The following STX17 variants were observed in gnomAD, a reference collection of about 807,000 sequenced individuals.
STX17 encodes syntaxin-17.
In STX17, 29 loss-of-function variants were observed where a neutral mutation model predicts 35.9. The ratio of observed to expected loss-of-function variants is 0.81; its 90% CI spans 0.60 to 1.10. STX17 has a LOEUF of 1.10. Ranked by LOEUF, STX17 falls within the 50% of genes least tolerant of loss-of-function variation. The probability of loss-of-function intolerance (pLI) is 0.00; values close to 1 mark genes in which losing one functional copy is unlikely to be tolerated. For missense variants in STX17, 312 were observed against 352.3 expected (o/e 0.89, Z 0.92); for synonymous variants, 92 against 118.3 (o/e 0.78, Z 1.44).
intron 3 of STX17, among the ~76,000 whole-genome samples, chr9:99,937,216 T>C (rs1435627635): frequency 6.6e-6 from 1 of 152,176 alleles, no homozygotes; most frequent in East Asian, 1.9e-4. Context: ...GGCACTTTGA[T>C]TATGATAGGC....
intron 3 of STX17, among the ~76,000 whole-genome samples, chr9:99,934,186 A>G (rs910306315): frequency 3.7e-4 from 56 of 152,336 alleles, no homozygotes; most frequent in African/African-American, 1.2e-3. Context: ...TCTAAGAAGT[A>G]GTAGGAAACC....
At chr9:99,967,278 G>A (rs1829932242) in intron 6 of STX17, 1 of 170,226 alleles carries the variant, frequency 5.9e-6, no homozygotes, top group Non-Finnish European at 1.3e-5. Flanking sequence ...AGGTATTTTG[G>A]GGTTTGATTT....
intron 6 of STX17, 114 bp downstream of exon 6, chr9:99,960,269 G>T: frequency 2.8e-6 from 3 of 1,071,050 alleles, no homozygotes; most frequent in Non-Finnish European, 4.1e-6. Flanking sequence ...TTTAAGACTG[G>T]TATTAAGCCA....
At chr9:99,927,406 G>A (rs914788999) in intron 2 of STX17, among the ~76,000 whole-genome samples, 4 of 152,048 alleles carry the variant, frequency 2.6e-5, no homozygotes, top group Non-Finnish European at 5.9e-5. Context: ...AAGTGGTTTG[G>A]TAATGGTTTT....
Position 99,973,269 on chromosome 9 carries a change from A to G in STX17, c.*4596A>G, listed in dbSNP as rs1270398997. Among the ~76,000 whole-genome samples the G allele has an allele frequency of 2.6e-5, 4 of 152,188 alleles. No individual in the cohort carries two copies. Among genetic ancestry groups the G allele is most frequent in the African/African-American group, 4.8e-5 (2 of 41,456 alleles). On this transcript the variant is annotated 3_prime_UTR_variant, in exon 8 of 8. Coordinates refer to ENST00000259400, the MANE Select transcript of STX17 (RefSeq NM_017919.3). ...AGGCAAATAATTTGCTCTAGATCAC[A>G]AAACTAGTTAGCACAAGGCTAGGAT...
At position 99,955,768 on chromosome 9, in the gene STX17, G is replaced by A. The variant is rs537460729; in HGVS notation, c.416-4149G>A. Among the ~76,000 whole-genome samples, 18 of 152,124 alleles carry A rather than the reference G, an allele frequency of 1.2e-4. No individual in the cohort carries two copies. The East Asian group carries it at 3.5e-3, about 29-fold the overall frequency. On this transcript the variant is annotated intron_variant, in intron 4 of 7. Transcript: ENST00000259400. ...TTTAAAAAACAGTGGTGAGTGATAG[G>A]TCCTATGTTCTACTTGCCCTTTATG...
intron 3 of STX17, among the ~76,000 whole-genome samples, chr9:99,932,700 A>G (rs549952153): frequency 6.6e-6 from 1 of 152,128 alleles, no homozygotes; most frequent in Non-Finnish European, 1.5e-5. Context: ...GGCATAAAAG[A>G]TTTATGGGTG....
At chr9:99,931,930 T>A (rs548416305) in intron 3 of STX17, among the ~76,000 whole-genome samples, 1 of 152,208 alleles carries the variant, frequency 6.6e-6, no homozygotes, top group Non-Finnish European at 1.5e-5. Context: ...AAAAGTAGAT[T>A]GCTTGTCTTC....
chr9:99,942,134 A>T (rs1829377576), intron 3 of STX17, among the ~76,000 whole-genome samples: 1 of 152,204 alleles, frequency 6.6e-6, no homozygotes, highest in African/African-American at 2.4e-5. Context: ...CAATACCAAT[A>T]TTTAGTATTG....
chr9:99,959,648 A>G (rs929220129), intron 4 of STX17, among the ~76,000 whole-genome samples: 1 of 151,824 alleles, frequency 6.6e-6, no homozygotes, highest in Non-Finnish European at 1.5e-5. Flanking sequence ...CTTTGTAGAG[A>G]CGAGGTCTCA....
At chr9:99,936,887 G>A (rs1829248054) in intron 3 of STX17, among the ~76,000 whole-genome samples, 1 of 152,036 alleles carries the variant, frequency 6.6e-6, no homozygotes, top group Non-Finnish European at 1.5e-5. Context: ...CCCTTATGTA[G>A]ATCCATATTT....
intron 2 of STX17, among the ~76,000 whole-genome samples, chr9:99,923,609 G>C (rs948699690): frequency 6.6e-6 from 1 of 152,138 alleles, no homozygotes; most frequent in Non-Finnish European, 1.5e-5. Flanking sequence ...GTATCTTCTA[G>C]TTGAATTCAA....
chr9:99,964,008 G>A (rs549309041), intron 6 of STX17, among the ~76,000 whole-genome samples: 11 of 152,182 alleles, frequency 7.2e-5, no homozygotes, highest in African/African-American at 1.2e-4. Flanking sequence ...ATAAATGGAC[G>A]TACCTGGAGT....
chr9:99,967,924 C>G (rs1489138407), intron 7 of STX17, among the ~76,000 whole-genome samples, 185 bp downstream of exon 7: 1 of 152,170 alleles, frequency 6.6e-6, no homozygotes, highest in East Asian at 1.9e-4. Flanking sequence ...TTCATTCTAT[C>G]AGGAGAGGAA....
At position 99,973,160 on chromosome 9, in the gene STX17, T is replaced by C. The variant is rs1489620490; in HGVS notation, c.*4487T>C. Among the ~76,000 whole-genome samples the C allele has an allele frequency of 6.6e-6, 1 of 151,986 alleles. No homozygotes were observed. Among genetic ancestry groups the C allele is most frequent in the Non-Finnish European group, 1.5e-5 (1 of 67,998 alleles). Reference sequence around the variant, plus strand: ...GGATCCACATGGTATGTATCCACATTGCTACTCTCAAATAGAAATGGGAGA... The same window carrying C: ...GGATCCACATGGTATGTATCCACATCGCTACTCTCAAATAGAAATGGGAGA... On this transcript the variant is annotated 3_prime_UTR_variant, in exon 8 of 8. Transcript: ENST00000259400.
intron 1 of STX17, chr9:99,907,275 T>G (rs2416935): frequency 0.69 from 105,076 of 152,088 alleles, 36,589 homozygotes; most frequent in African/African-American, 0.73. Flanking sequence ...GAGACTTTAC[T>G]TTGACTTTTC....
At chr9:99,959,649 C>T (rs1400426808) in intron 4 of STX17, among the ~76,000 whole-genome samples, 5 of 151,754 alleles carry the variant, frequency 3.3e-5, no homozygotes, top group Admixed American at 1.3e-4. Context: ...TTTGTAGAGA[C>T]GAGGTCTCAC....
Position 99,974,198 on chromosome 9 carries a change from A to G in STX17, c.*5525A>G, listed in dbSNP as rs1830063628. ...CAGGAGCATAAATCCTCCAGCCTTGAATGGACCATTGTCCAGCTCCTGTGA... is the reference window on the plus strand; with the variant it reads ...CAGGAGCATAAATCCTCCAGCCTTGGATGGACCATTGTCCAGCTCCTGTGA... On this transcript the variant is annotated 3_prime_UTR_variant, in exon 8 of 8. Coordinates refer to ENST00000259400, the MANE Select transcript of STX17 (RefSeq NM_017919.3). 6.6e-6 allele frequency among the ~76,000 whole-genome samples: 1 copy of G among 152,228 alleles called. No homozygotes were observed.
chr9:99,915,684 C>G (rs1828754918), intron 2 of STX17, among the ~76,000 whole-genome samples: 1 of 151,456 alleles, frequency 6.6e-6, no homozygotes, highest in Non-Finnish European at 1.5e-5. Context: ...CCTCAAACTT[C>G]TGGGCTCAAG....
Sources: allele counts gnomAD v4.1 joint callset (sites outside exome capture counted in the v4.1 genomes callset), GRCh38; gene constraint gnomAD v4.1.1; transcripts MANE v1.5; gene names NCBI Gene and HGNC (gene_info 2026-07-23, HGNC 2026-07-21).